GABRG1: variants seen among roughly 807,000 people sequenced by gnomAD.
GABRG1 encodes the protein gamma-aminobutyric acid type A receptor subunit gamma1, also known as gamma-aminobutyric acid receptor subunit gamma-1.
In GABRG1, 49 loss-of-function variants were observed where a neutral mutation model predicts 49.8. The ratio of observed to expected loss-of-function variants is 0.98; its 90% CI spans 0.78 to 1.25. The LOEUF is 1.25. Ranked by LOEUF, GABRG1 falls within the 50% of genes most tolerant of loss-of-function variation. The pLI, the probability that GABRG1 is intolerant of heterozygous loss-of-function variation, is 0.00. For missense variants in GABRG1, 552 were observed against 552.3 expected, an observed-to-expected ratio of 1.00 and a Z score of 0.01; for synonymous variants, 232 against 185.1, an observed-to-expected ratio of 1.25 and a Z score of -2.06.
Position 46,105,612 on chromosome 4 carries a change from T to C in GABRG1, c.105-8263A>G, listed in dbSNP as rs374641475. 5.9e-5 allele frequency among the ~76,000 whole-genome samples: 9 copies of C among 151,594 alleles called. No individual in the cohort carries two copies. The East Asian group carries it at 1.8e-3, about 30-fold the overall frequency. On this transcript the variant is annotated intron_variant, in intron 1 of 8. Transcript: ENST00000295452. ...TCAGAAAAATTGTTATTACACTACA[T>C]AACATGATTCACCTGTAACTGTATT...
At position 46,076,362 on chromosome 4, in the gene GABRG1, CATATATATATATAT is replaced by C. The variant is rs1203391424; in HGVS notation, c.321+7610_321+7623del. ...ACCTAAATTTATCTTAGGTCATGTT[CATATATATATATAT>C]ATATATATATATATATATATATATA... On this transcript the variant is annotated intron_variant, in intron 3 of 8. Coordinates refer to ENST00000295452, the MANE Select transcript of GABRG1 (RefSeq NM_173536.4). Among the ~76,000 whole-genome samples, 23 of 78,708 alleles carry C rather than the reference CATATATATATATAT, an allele frequency of 2.9e-4. 1 individual carries two copies. The East Asian group carries it at 8.2e-3, about 28-fold the overall frequency. The allele number at this position is 78,708 out of a possible 152,430, so 51.6% of individuals were successfully genotyped here.
At chr4:46,100,168 A>G (rs16859080) in intron 1 of GABRG1, among the ~76,000 whole-genome samples, 12,219 of 151,740 alleles carry the variant, frequency 0.081, 943 homozygotes, top group African/African-American at 0.2. Context: ...TTTCCTTCAA[A>G]TAATTTCCTA....
chr4:46,090,951 CACAT>C (rs1216196000), intron 2 of GABRG1, among the ~76,000 whole-genome samples: 271 of 104,238 alleles, frequency 2.6e-3, no homozygotes, highest in Admixed American at 0.012. Flanking sequence ...CACACACACA[CACAT>C]ACACACACAC....
chr4:46,077,061 C>G (rs760205720), intron 3 of GABRG1, among the ~76,000 whole-genome samples: 5 of 140,898 alleles, frequency 3.5e-5, no homozygotes, highest in East Asian at 2.1e-4. Flanking sequence ...TATATCATTA[C>G]TTTTAAAAAA....
At chr4:46,117,489 AC>A (rs1720934844) in intron 1 of GABRG1, among the ~76,000 whole-genome samples, 1 of 149,726 alleles carries the variant, frequency 6.7e-6, no homozygotes, top group African/African-American at 2.4e-5. Context: ...AAATCTATAT[AC>A]AAAAAATTCT....
rs368597672 is a variant in GABRG1, at chr4:46,097,325, A to G, written c.129T>C (p.Asp43=). 7 of 1,609,070 alleles carry G rather than the reference A, an allele frequency of 4.4e-6. No individual in the cohort carries two copies. The African/African-American group carries it at 8.1e-5, about 19-fold the overall frequency. The change falls in exon 2 of 9, where the codon GAT becomes GAC. Residue 43 remains aspartate (D), a synonymous_variant. Coordinates refer to ENST00000295452, the MANE Select transcript of GABRG1 (RefSeq NM_173536.4). ...GNCVDKADDE[D]DEDLTVNKTW... Reference sequence around the variant, plus strand: ...TTTTGTTCACCGTTAAATCCTCATCATCTTCATCATCTGCCTTATCAACAC... The same window carrying G: ...TTTTGTTCACCGTTAAATCCTCATCGTCTTCATCATCTGCCTTATCAACAC...
intron 2 of GABRG1, among the ~76,000 whole-genome samples, chr4:46,090,515 C>A (rs1284798711): frequency 6.6e-6 from 1 of 151,856 alleles, no homozygotes; most frequent in African/African-American, 2.4e-5. Flanking sequence ...TTTTAGGGAA[C>A]TATATATAGT....
In GABRG1 at chr4:46,040,890, C is replaced by G. The variant is rs1717744469; in HGVS notation, c.*98G>C. 1 of 1,215,260 alleles carries G rather than the reference C, an allele frequency of 8.2e-7. No homozygotes were observed. Among genetic ancestry groups the G allele is most frequent in the Non-Finnish European group, 1.2e-6 (1 of 864,658 alleles). 75.3% of individuals were successfully genotyped at this position (1,215,260 alleles called of 1,614,324 possible). ...TACTATTCACATTTTAACCATTGGTCTCTCTGCATTTTAAATTTAAACTTC... is the reference window on the plus strand; with the variant it reads ...TACTATTCACATTTTAACCATTGGTGTCTCTGCATTTTAAATTTAAACTTC... On this transcript the variant is annotated 3_prime_UTR_variant, in exon 9 of 9. Transcript: ENST00000295452.
At chr4:46,085,502 G>C (rs2109423897) in intron 2 of GABRG1, among the ~76,000 whole-genome samples, 1 of 151,596 alleles carries the variant, frequency 6.6e-6, no homozygotes, top group South Asian at 2.1e-4. Flanking sequence ...GTATGTGAAA[G>C]CTATGACGAA....
intron 1 of GABRG1, among the ~76,000 whole-genome samples, chr4:46,098,626 G>A (rs936277935): frequency 1.8e-4 from 28 of 151,804 alleles, no homozygotes; most frequent in Admixed American, 1.5e-3. Context: ...AAGAGAACAC[G>A]CCAGTCCGAG....
At chr4:46,067,357 T>C (rs1446278188) in intron 3 of GABRG1, among the ~76,000 whole-genome samples, 2 of 152,106 alleles carry the variant, frequency 1.3e-5, no homozygotes, top group African/African-American at 4.8e-5. Context: ...AACTATGTAA[T>C]TGAGTATGAG....
chr4:46,072,993 G>C (rs1719188189), intron 3 of GABRG1, among the ~76,000 whole-genome samples: 1 of 151,644 alleles, frequency 6.6e-6, no homozygotes, highest in Non-Finnish European at 1.5e-5. Context: ...TAGCAATCTG[G>C]CAAAAGAGTA....
intron 3 of GABRG1, among the ~76,000 whole-genome samples, chr4:46,082,967 C>T (rs1185815603): frequency 6.6e-6 from 1 of 151,654 alleles, no homozygotes; most frequent in Non-Finnish European, 1.5e-5. Context: ...TCTCCTTTCT[C>T]TTTCTCATCT....
intron 3 of GABRG1, among the ~76,000 whole-genome samples, chr4:46,078,931 T>G (rs1441120214): frequency 6.6e-6 from 1 of 151,956 alleles, no homozygotes; most frequent in Non-Finnish European, 1.5e-5. Flanking sequence ...ATAGCCTATC[T>G]ACATTAAGGT....
At chr4:46,041,297 C>T (rs780130682) in intron 8 of GABRG1, 43 bp from the exon 9 acceptor site, 27 of 1,589,180 alleles carry the variant, frequency 1.7e-5, no homozygotes, top group Non-Finnish European at 2.3e-5. Context: ...AAAAAAGTAG[C>T]ATAAGGAAAG....
At chr4:46,084,222 T>C (rs1317939496) in intron 2 of GABRG1, among the ~76,000 whole-genome samples, 169 bp from the exon 3 acceptor site, 1 of 151,712 alleles carries the variant, frequency 6.6e-6, no homozygotes, top group African/African-American at 2.4e-5. Flanking sequence ...ACAATCTTTT[T>C]GGTTTGCAAA....
At chr4:46,049,536 T>C (rs908643967) in intron 8 of GABRG1, among the ~76,000 whole-genome samples, 1 of 151,970 alleles carries the variant, frequency 6.6e-6, no homozygotes, top group East Asian at 1.9e-4. Context: ...CTGTTGCTAT[T>C]TGCCATTTAG....
chr4:46,074,057 A>G (rs1395642044), intron 3 of GABRG1, among the ~76,000 whole-genome samples: 2 of 152,192 alleles, frequency 1.3e-5, no homozygotes, highest in East Asian at 3.9e-4. Flanking sequence ...AATGATTGAT[A>G]TTCAGATGAA....
chr4:46,041,574 T>C (rs1444241154), intron 8 of GABRG1, among the ~76,000 whole-genome samples: 1 of 152,030 alleles, frequency 6.6e-6, no homozygotes, highest in Non-Finnish European at 1.5e-5. Flanking sequence ...TTCTATTTTA[T>C]ATTAAAACAT....
Sources: allele counts gnomAD v4.1 joint callset (sites outside exome capture counted in the v4.1 genomes callset), GRCh38; gene constraint gnomAD v4.1.1; transcripts MANE v1.5; gene names NCBI Gene and HGNC (gene_info 2026-07-23, HGNC 2026-07-21).